The following RIMS1 variants were observed in gnomAD, a reference collection of about 807,000 sequenced individuals.
The protein encoded by RIMS1 is regulating synaptic membrane exocytosis protein 1.
In RIMS1, 83 loss-of-function variants were observed where a neutral mutation model predicts 214.1. The observed-to-expected ratio is 0.39, with a 90% confidence interval of 0.32 to 0.47. The LOEUF (loss-of-function observed/expected upper bound fraction) is 0.47, where lower values mean the gene tolerates loss of function less well. Among genes scored for constraint, RIMS1 ranks in the 20% least tolerant of loss-of-function variants. The probability of loss-of-function intolerance (pLI) is 0.99; values close to 1 mark genes in which losing one functional copy is unlikely to be tolerated. For missense variants in RIMS1, 2,050 were observed against 2,161.8 expected (o/e 0.95, Z 1.03); for synonymous variants, 793 against 786.8 (o/e 1.01, Z -0.13).
chr6:72,026,652 A>G (rs901609731), intron 2 of RIMS1, among the ~76,000 whole-genome samples: 1 of 152,028 alleles, frequency 6.6e-6, no homozygotes, highest in African/African-American at 2.4e-5. Flanking sequence ...GAACAACTTA[A>G]ATGAAAACTT....
chr6:72,148,579 C>T (rs1358885289), intron 4 of RIMS1: 2 of 456,790 alleles, frequency 4.4e-6, no homozygotes, highest in South Asian at 3.1e-5. Flanking sequence ...CCCTATACCT[C>T]ATCTATGCCA....
intron 4 of RIMS1, among the ~76,000 whole-genome samples, chr6:72,106,209 C>T (rs893667999): frequency 1.3e-5 from 2 of 152,110 alleles, no homozygotes; most frequent in Non-Finnish European, 2.9e-5. Flanking sequence ...CCTTTTGAAT[C>T]ACTTTACAAT....
chr6:72,346,905 C>T (rs1032336452), intron 29 of RIMS1, among the ~76,000 whole-genome samples: 1 of 151,724 alleles, frequency 6.6e-6, no homozygotes, highest in South Asian at 2.1e-4. Context: ...CTGTCTAGTC[C>T]TTTAAGGAGA....
intron 2 of RIMS1, among the ~76,000 whole-genome samples, chr6:72,003,522 C>G (rs532044): frequency 6.6e-6 from 1 of 152,090 alleles, no homozygotes; most frequent in African/African-American, 2.4e-5. Flanking sequence ...TCAGCTTACT[C>G]AAGTTAACAG....
chr6:72,258,008 C>A, intron 16 of RIMS1, 117 bp from the exon 17 acceptor site: 1 of 883,796 alleles, frequency 1.1e-6, no homozygotes, highest in Non-Finnish European at 1.7e-6. Context: ...ATACCGATTG[C>A]ATGACATTTA....
chr6:72,179,694 T>A lies in RIMS1; in HGVS notation c.591T>A (p.Ala197=). ...TSQDGTLSDT[A]TGAGSEVPRE... ...AGGATGGAACCCTGAGTGATACAGC[T>A]ACAGGTGCTGGCTCTGAGGTACCAA... Residue 197 remains alanine, a synonymous_variant, in exon 5 of 34, where the codon GCT becomes GCA. Coordinates refer to ENST00000521978, the MANE Select transcript of RIMS1 (RefSeq NM_014989.7). The A allele has an allele frequency of 6.2e-7, 1 of 1,613,908 alleles. No individual in the cohort carries two copies. The highest frequency in any genetic ancestry group is 2.2e-5 in the East Asian group (1 of 44,874).
intron 6 of RIMS1, among the ~76,000 whole-genome samples, chr6:72,210,492 T>C (rs1366319923): frequency 6.6e-6 from 1 of 152,210 alleles, no homozygotes; most frequent in Non-Finnish European, 1.5e-5. Flanking sequence ...ACTGGTGTTG[T>C]GAGATCAAGA....
chr6:71,931,608 G>C (rs1473684746), intron 1 of RIMS1, among the ~76,000 whole-genome samples: 1 of 149,994 alleles, frequency 6.7e-6, no homozygotes, highest in Non-Finnish European at 1.5e-5. Context: ...TTTTTTTCTT[G>C]TAAATTTGTT....
chr6:72,021,913 G>A (rs1221529124), intron 2 of RIMS1, among the ~76,000 whole-genome samples: 1 of 152,130 alleles, frequency 6.6e-6, no homozygotes, highest in Non-Finnish European at 1.5e-5. Flanking sequence ...TAGTACATTG[G>A]CACGTATCCC....
intron 1 of RIMS1, among the ~76,000 whole-genome samples, chr6:71,904,709 G>A (rs1774742256): frequency 6.6e-6 from 1 of 152,074 alleles, no homozygotes; most frequent in Non-Finnish European, 1.5e-5. Flanking sequence ...GTCAACTATA[G>A]GATGATGAGA....
chr6:72,011,163 G>C (rs1323454564), intron 2 of RIMS1, among the ~76,000 whole-genome samples: 2 of 152,094 alleles, frequency 1.3e-5, no homozygotes, highest in Non-Finnish European at 2.9e-5. Flanking sequence ...AGAGCCCTCA[G>C]GAATAAAGCC....
intron 2 of RIMS1, among the ~76,000 whole-genome samples, chr6:72,078,346 A>G (rs1416169706): frequency 6.6e-6 from 1 of 152,142 alleles, no homozygotes; most frequent in African/African-American, 2.4e-5. Context: ...TTACTATGAA[A>G]TGTTACCTCA....
At chr6:72,100,051 T>C in intron 4 of RIMS1, 65 bp downstream of exon 4, 1 of 1,233,786 alleles carries the variant, frequency 8.1e-7, no homozygotes, top group South Asian at 1.2e-5. Flanking sequence ...ATTAAGTGAA[T>C]GTTGCACCTA....
intron 2 of RIMS1, among the ~76,000 whole-genome samples, chr6:72,012,248 C>T (rs1562109366): frequency 6.6e-6 from 1 of 151,998 alleles, no homozygotes; most frequent in African/African-American, 2.4e-5. Flanking sequence ...CCAAACACCG[C>T]ATGTTGTCAC....
intron 1 of RIMS1, among the ~76,000 whole-genome samples, chr6:71,941,568 T>G (rs970383413): frequency 6.6e-6 from 1 of 152,234 alleles, no homozygotes; most frequent in African/African-American, 2.4e-5. Flanking sequence ...TATGCCATCT[T>G]CTGAGTTCTC....
chr6:72,345,724 T>C (rs1402287271), intron 29 of RIMS1, among the ~76,000 whole-genome samples: 1 of 151,854 alleles, frequency 6.6e-6, no homozygotes, highest in African/African-American at 2.4e-5. Flanking sequence ...CACGGGATGC[T>C]TGTACTAGGG....
chr6:72,370,260 C>T (rs2098174303), intron 29 of RIMS1, among the ~76,000 whole-genome samples: 1 of 152,056 alleles, frequency 6.6e-6, no homozygotes, highest in Non-Finnish European at 1.5e-5. Context: ...TTTGAAAGTA[C>T]AATTTAAGTA....
At chr6:72,301,498 G>T (rs1276539030) in intron 26 of RIMS1, among the ~76,000 whole-genome samples, 2 of 151,600 alleles carry the variant, frequency 1.3e-5, no homozygotes. Flanking sequence ...GATCAAAAAT[G>T]TTTGGGGGGA....
chr6:72,122,348 G>A (rs555100555), intron 4 of RIMS1, among the ~76,000 whole-genome samples: 36 of 151,414 alleles, frequency 2.4e-4, no homozygotes, highest in African/African-American at 8.5e-4. Context: ...GGGACTACAG[G>A]TGCCTGCCAC....
Sources: gnomAD v4.1 joint callset for allele counts (sites outside exome capture counted in the v4.1 genomes callset) on GRCh38, gnomAD v4.1.1 for gene constraint, MANE v1.5 for transcripts, NCBI Gene and HGNC (gene_info 2026-07-23, HGNC 2026-07-21) for gene names.